Variants in ZBTB2 observed in about 807,000 individuals in gnomAD.
ZBTB2 encodes zinc finger and BTB domain containing 2.
Under a neutral mutation model 39.5 loss-of-function variants are expected in ZBTB2, and 2 were observed. That is an observed-to-expected ratio of 0.05 (90% CI 0.02 to 0.16). The LOEUF (loss-of-function observed/expected upper bound fraction) is 0.16. Among genes scored for constraint, ZBTB2 ranks in the 10% least tolerant of loss-of-function variants. The probability of loss-of-function intolerance (pLI) is 1.00; values close to 1 mark genes in which losing one functional copy is unlikely to be tolerated. For synonymous variants in ZBTB2, 251 were observed against 256.6 expected (o/e 0.98, Z 0.21); for missense variants, 391 against 653.0 (o/e 0.60, Z 4.37).
chr6:151,382,554 CTT>C (rs752839929), intron 1 of ZBTB2, among the ~76,000 whole-genome samples: 2 of 124,946 alleles, frequency 1.6e-5, no homozygotes, highest in Non-Finnish European at 1.7e-5. Context: ...TGCGCCTGGT[CTT>C]TTTTTTTTTT....
At chr6:151,381,273 C>T (rs1186175892) in intron 1 of ZBTB2, among the ~76,000 whole-genome samples, 2 of 152,178 alleles carry the variant, frequency 1.3e-5, no homozygotes, top group Non-Finnish European at 2.9e-5. Context: ...GTAATCCCAG[C>T]ACTTTGGGAG....
chr6:151,380,859 A>G (rs1779019271), intron 1 of ZBTB2, among the ~76,000 whole-genome samples: 1 of 152,106 alleles, frequency 6.6e-6, no homozygotes, highest in Non-Finnish European at 1.5e-5. Context: ...GCTGTCCCCC[A>G]GGAACCTTAA....
chr6:151,378,426 G>A (rs1291502036), intron 1 of ZBTB2, among the ~76,000 whole-genome samples: 1 of 152,166 alleles, frequency 6.6e-6, no homozygotes, highest in African/African-American at 2.4e-5. Flanking sequence ...GCCAGAGAAG[G>A]TGAAAGCACT....
intron 1 of ZBTB2, among the ~76,000 whole-genome samples, chr6:151,382,099 T>C (rs1027716675): frequency 1.4e-4 from 22 of 152,326 alleles, no homozygotes; most frequent in African/African-American, 5.3e-4. Context: ...TAGGCAATTA[T>C]AATCCAATGG....
chr6:151,375,987 GAATT>G (rs1265049558), intron 1 of ZBTB2, among the ~76,000 whole-genome samples: 3 of 152,118 alleles, frequency 2.0e-5, no homozygotes, highest in Non-Finnish European at 2.9e-5. Flanking sequence ...ACAGAGAAGT[GAATT>G]AATAGAACAA....
At chr6:151,387,225 C>G (rs547193606) in intron 1 of ZBTB2, among the ~76,000 whole-genome samples, 1 of 152,300 alleles carries the variant, frequency 6.6e-6, no homozygotes, top group South Asian at 2.1e-4. Flanking sequence ...TTTTCCTACT[C>G]TATTATAGTA....
At chr6:151,371,036 G>T (rs1778778371) in intron 2 of ZBTB2, among the ~76,000 whole-genome samples, 1 of 152,136 alleles carries the variant, frequency 6.6e-6, no homozygotes, top group Admixed American at 6.5e-5. Context: ...GATTAAAATT[G>T]CCTCCTTTTC....
chr6:151,372,735 A>G (rs1385262130), intron 2 of ZBTB2, among the ~76,000 whole-genome samples: 2 of 152,156 alleles, frequency 1.3e-5, no homozygotes, highest in Non-Finnish European at 2.9e-5. Context: ...ACAAGAATAA[A>G]TGCTGAAAGT....
At chr6:151,388,703 A>G (rs1395503385) in intron 1 of ZBTB2, among the ~76,000 whole-genome samples, 1 of 152,190 alleles carries the variant, frequency 6.6e-6, no homozygotes, top group African/African-American at 2.4e-5. Flanking sequence ...ATTATCTTAT[A>G]AAAGTGCAGA....
intron 1 of ZBTB2, among the ~76,000 whole-genome samples, chr6:151,378,400 A>C (rs1778962603): frequency 6.6e-6 from 1 of 152,186 alleles, no homozygotes; most frequent in African/African-American, 2.4e-5. Flanking sequence ...CAGTTTCCCC[A>C]CTACTTTCTG....
At chr6:151,375,821 G>A (rs374919930) in intron 1 of ZBTB2, among the ~76,000 whole-genome samples, 152 of 152,074 alleles carry the variant, frequency 1.0e-3, no homozygotes, top group African/African-American at 3.6e-3. Flanking sequence ...CACCCGCCTC[G>A]GCCTCCCAAA....
At chr6:151,390,933 G>A (rs950052389) in intron 1 of ZBTB2, among the ~76,000 whole-genome samples, 8 of 151,678 alleles carry the variant, frequency 5.3e-5, no homozygotes, top group Non-Finnish European at 8.8e-5. Context: ...GGCCGCCGCC[G>A]CCCAGGGCGC....
At chr6:151,379,666 AAAG>A (rs1778989528) in intron 1 of ZBTB2, among the ~76,000 whole-genome samples, 3 of 151,468 alleles carry the variant, frequency 2.0e-5, no homozygotes, top group South Asian at 2.1e-4. Flanking sequence ...AAAAAGAAAA[AAAG>A]AAATCTATAA....
chr6:151,377,643 G>C (rs867231812), intron 1 of ZBTB2, among the ~76,000 whole-genome samples: 2 of 149,646 alleles, frequency 1.3e-5, no homozygotes, highest in Non-Finnish European at 3.0e-5. Context: ...GGGTTCAAGC[G>C]ATTCTCCCGC....
In ZBTB2 at chr6:151,365,631, C is replaced by T; in HGVS notation, c.1435G>A (p.Asp479Asn). 1 of 1,614,222 alleles carries T rather than the reference C, an allele frequency of 6.2e-7. No homozygotes were observed. The highest frequency in any genetic ancestry group is 1.1e-5 in the South Asian group (1 of 91,088). ...QNQNSDVFALDEGRSILLGSG... is the reference protein window; with the variant it reads ...QNQNSDVFALNEGRSILLGSG... Reference sequence around the variant, plus strand: ...CCCAGGAGAATGGATCGCCCTTCGTCTAGGGCAAAAACATCCGAGTTCTGG... The same window carrying T: ...CCCAGGAGAATGGATCGCCCTTCGTTTAGGGCAAAAACATCCGAGTTCTGG... The change falls in exon 3 of 3, where the codon GAC becomes AAC. Residue 479 changes from aspartate to asparagine, a missense_variant. By Grantham distance (23) the Asp-to-Asn change is conservative. This residue lies in a region of ZBTB2 where 49 missense variants were observed against 55.6 expected (regional missense o/e 0.88). Transcript: ENST00000325144. This position sits in a 1 kb window ranked among gnomAD's most constrained non-coding sequence, Gnocchi z 5.6.
chr6:151,366,605 T>G lies in ZBTB2; in HGVS notation c.461A>C (p.Lys154Thr). The change falls in exon 3 of 3, where the codon AAA becomes ACA. Residue 154 changes from lysine (K) to threonine (T), a missense_variant. Around this residue, in one of 7 missense-constraint regions of ZBTB2, gnomAD observed 175 missense variants for 198.6 expected, o/e 0.88. Transcript: ENST00000325144. This position sits in a 1 kb window ranked among gnomAD's most constrained non-coding sequence, Gnocchi z 7.1. ...QATKIASAPE[K>T]LGRDPRPQTS... ...CTGTGGCCGTGGATCTCGCCCGAGTTTTTCAGGTGCTGAAGCAATCTTGGT... is the reference window on the plus strand; with the variant it reads ...CTGTGGCCGTGGATCTCGCCCGAGTGTTTCAGGTGCTGAAGCAATCTTGGT... 1.9e-6 allele frequency: 3 copies of G among 1,613,948 alleles called. No individual in the cohort carries two copies. The highest frequency in any genetic ancestry group is 2.5e-6 in the Non-Finnish European group (3 of 1,179,984).
In ZBTB2 at chr6:151,366,842, T is replaced by C. The variant is rs200678419; in HGVS notation, c.224A>G (p.Tyr75Cys). Residue 75 changes from tyrosine to cysteine, a missense_variant, in exon 3 of 3, where the codon TAT becomes TGT. Transcript: ENST00000325144. The surrounding 1 kb of genome is among the most constrained non-coding windows in gnomAD (Gnocchi z 7.1). ...PTDIQPDIFS[Y>C]LLHLMYTGKM... ...CCCAGTGTACATCAAGTGTAAGAGA[T>C]AGCTGAAGATGTCGGGCTGTATGTC... 8.7e-6 allele frequency: 14 copies of C among 1,613,548 alleles called. No individual in the cohort carries two copies. The highest frequency in any genetic ancestry group is 3.3e-5 in the Admixed American group (2 of 59,964).
intron 2 of ZBTB2, among the ~76,000 whole-genome samples, chr6:151,371,317 G>T (rs1002544072): frequency 1.3e-5 from 2 of 152,194 alleles, no homozygotes; most frequent in Non-Finnish European, 2.9e-5. Flanking sequence ...AGTGAAGAAG[G>T]GGGTAGGTAC....
At chr6:151,383,789 GC>G (rs1779093851) in intron 1 of ZBTB2, among the ~76,000 whole-genome samples, 1 of 151,912 alleles carries the variant, frequency 6.6e-6, no homozygotes, top group Non-Finnish European at 1.5e-5. Flanking sequence ...ACATACCCCT[GC>G]CCCTGCCCCT....
Sources: gnomAD v4.1 joint callset for allele counts (sites outside exome capture counted in the v4.1 genomes callset) on GRCh38, gnomAD v4.1.1 for gene constraint, gnomAD v4.1.1 regional missense constraint, Gnocchi (gnomAD v3.1) non-coding constraint, MANE v1.5 for transcripts, NCBI Gene and HGNC (gene_info 2026-07-23, HGNC 2026-07-21) for gene names.